The following TNS3 variants were observed in gnomAD, a reference collection of about 807,000 sequenced individuals.
TNS3 encodes the protein tensin 3, also known as tensin-3.
Under a neutral mutation model 140.9 loss-of-function variants are expected in TNS3, and 45 were observed. The observed-to-expected ratio is 0.32, with a 90% confidence interval of 0.25 to 0.41. The LOEUF (loss-of-function observed/expected upper bound fraction) is 0.41, where lower values mean the gene tolerates loss of function less well. TNS3 is among the 10% of genes least tolerant of loss of function. The pLI, the probability that TNS3 is intolerant of heterozygous loss-of-function variation, is 1.00. For synonymous variants in TNS3, 815 were observed against 788.4 expected (o/e 1.03, Z -0.56); for missense variants, 1,716 against 1,906.7 (o/e 0.90, Z 1.86).
chr7:47,417,556 G>A (rs1794148882), intron 10 of TNS3, among the ~76,000 whole-genome samples: 1 of 152,204 alleles, frequency 6.6e-6, no homozygotes, highest in Admixed American at 6.5e-5. Flanking sequence ...CACCTCCCAG[G>A]TCAGTCTACA....
At chr7:47,578,972 T>G (rs75963942) in intron 1 of TNS3, among the ~76,000 whole-genome samples, 1 of 65,764 alleles carries the variant, frequency 1.5e-5, no homozygotes, top group African/African-American at 3.6e-5. Flanking sequence ...TCTCAGCGTT[T>G]TAGGAGCAGT....
chr7:47,370,085 T>C (rs1249218803), intron 16 of TNS3, among the ~76,000 whole-genome samples: 8 of 152,144 alleles, frequency 5.3e-5, no homozygotes, highest in Non-Finnish European at 8.8e-5. Context: ...CCTACTAAAT[T>C]GAATGTCTTG....
At chr7:47,410,226 C>G (rs1314917333) in intron 13 of TNS3, among the ~76,000 whole-genome samples, 1 of 152,198 alleles carries the variant, frequency 6.6e-6, no homozygotes, top group Non-Finnish European at 1.5e-5. Context: ...GGATGCTGCA[C>G]CATCGCTGCA....
intron 10 of TNS3, 61 bp from the exon 11 acceptor site, chr7:47,415,267 G>GA: frequency 8.2e-7 from 1 of 1,214,040 alleles, no homozygotes. Context: ...GCTGAGAAGG[G>GA]AACTCAAGGA....
chr7:47,380,586 A>T (rs1033181776), intron 16 of TNS3, among the ~76,000 whole-genome samples: 1 of 151,370 alleles, frequency 6.6e-6, no homozygotes, highest in Non-Finnish European at 1.5e-5. Context: ...TGATTATTCC[A>T]CTCCATAACG....
At chr7:47,325,556 G>A (rs940955732) in intron 20 of TNS3, among the ~76,000 whole-genome samples, 1 of 152,180 alleles carries the variant, frequency 6.6e-6, no homozygotes, top group Non-Finnish European at 1.5e-5. Flanking sequence ...AAATCACAGT[G>A]AGCAATGGGA....
chr7:47,302,370 G>A, intron 22 of TNS3, 98 bp from the exon 23 acceptor site: 1 of 978,696 alleles, frequency 1.0e-6, no homozygotes, highest in Non-Finnish European at 1.6e-6. Flanking sequence ...CCCATGCCAA[G>A]GGCAAGCAAG....
At chr7:47,319,870 A>G (rs1787630539) in intron 20 of TNS3, among the ~76,000 whole-genome samples, 1 of 152,110 alleles carries the variant, frequency 6.6e-6, no homozygotes, top group Non-Finnish European at 1.5e-5. Flanking sequence ...AGAGAATATC[A>G]CTGGTCAGAC....
intron 20 of TNS3, among the ~76,000 whole-genome samples, chr7:47,340,092 C>CACATATAT (rs1788882295): frequency 2.2e-5 from 1 of 46,016 alleles, no homozygotes. Context: ...TGTGCATATA[C>CACATATAT]ATATATATAT....
intron 28 of TNS3, among the ~76,000 whole-genome samples, chr7:47,281,168 G>A (rs1027012142): frequency 6.6e-6 from 1 of 152,200 alleles, no homozygotes; most frequent in Non-Finnish European, 1.5e-5. Flanking sequence ...AAAGTGCTGT[G>A]CAAGGAATAT....
intron 16 of TNS3, among the ~76,000 whole-genome samples, chr7:47,387,029 T>C (rs1216726774): frequency 6.6e-6 from 1 of 152,242 alleles, no homozygotes; most frequent in East Asian, 1.9e-4. Context: ...CCTCTGTCCT[T>C]GGACTTACAG....
intron 20 of TNS3, among the ~76,000 whole-genome samples, chr7:47,330,335 C>T (rs184604165): frequency 1.3e-5 from 2 of 152,320 alleles, no homozygotes; most frequent in South Asian, 4.1e-4. Context: ...TCCCACTCTG[C>T]GGGCTCAGGC....
Position 47,327,846 on chromosome 7 carries a change from C to A in TNS3, c.2650+16909G>T, listed in dbSNP as rs992694266. Among the ~76,000 whole-genome samples the A allele has an allele frequency of 2.6e-5, 4 of 151,684 alleles. No individual in the cohort carries two copies. In the South Asian group the frequency reaches 8.5e-4, roughly 32 times the overall value. ...TCCCACCTCATACCCCTCCCCACCC[C>A]CCTCCACTGGAGCCCAGGAGATCAA... is the stretch of plus-strand genomic sequence containing the variant. On this transcript the variant is annotated intron_variant, in intron 20 of 30. Coordinates refer to ENST00000311160, the MANE Select transcript of TNS3 (RefSeq NM_022748.12).
chr7:47,400,965 G>A (rs776086929), intron 13 of TNS3, 51 bp from the exon 14 acceptor site: 21 of 1,608,522 alleles, frequency 1.3e-5, no homozygotes, highest in African/African-American at 4.0e-5. Context: ...GGGGACACAC[G>A]TTCCCGGCAA....
intron 2 of TNS3, among the ~76,000 whole-genome samples, chr7:47,519,375 C>T (rs190701472): frequency 9.9e-5 from 15 of 152,096 alleles, no homozygotes; most frequent in African/African-American, 3.4e-4. Context: ...GGTACCAATC[C>T]CTCAAAAACA....
chr7:47,507,958 T>C (rs532406102), intron 2 of TNS3, among the ~76,000 whole-genome samples: 1 of 152,278 alleles, frequency 6.6e-6, no homozygotes, highest in South Asian at 2.1e-4. Flanking sequence ...CACGGAGCTA[T>C]CATGGGTCAA....
At chr7:47,520,900 C>T (rs1335553698) in intron 2 of TNS3, among the ~76,000 whole-genome samples, 1 of 152,170 alleles carries the variant, frequency 6.6e-6, no homozygotes. Flanking sequence ...TCCAATTGTT[C>T]TGGAAAGAAC....
intron 17 of TNS3, among the ~76,000 whole-genome samples, chr7:47,356,116 C>A (rs1360782743): frequency 6.6e-6 from 1 of 152,204 alleles, no homozygotes; most frequent in East Asian, 1.9e-4. Flanking sequence ...AATCTTAGAA[C>A]CACCCTGCGG....
At chr7:47,376,308 C>T (rs1259971969) in intron 16 of TNS3, among the ~76,000 whole-genome samples, 1 of 152,234 alleles carries the variant, frequency 6.6e-6, no homozygotes, top group Non-Finnish European at 1.5e-5. Context: ...AGAAGAAAGG[C>T]ATCCACTGAT....
Sources: gnomAD v4.1 joint callset for allele counts (sites outside exome capture counted in the v4.1 genomes callset) on GRCh38, gnomAD v4.1.1 for gene constraint, MANE v1.5 for transcripts, NCBI Gene and HGNC (gene_info 2026-07-23, HGNC 2026-07-21) for gene names.